ACTR10: variants seen among roughly 807,000 people sequenced by gnomAD.
ACTR10 encodes actin-related protein 10.
In ACTR10, 43 loss-of-function variants were observed where a neutral mutation model predicts 56.2. The observed-to-expected ratio is 0.77, with a 90% CI of 0.60 to 0.99. ACTR10 has a LOEUF of 0.99. Ranked by LOEUF, ACTR10 falls within the 50% of genes least tolerant of loss-of-function variation. The pLI is 0.00. For missense variants in ACTR10, 466 were observed against 507.8 expected (o/e 0.92, Z 0.79); for synonymous variants, 170 against 176.3 (o/e 0.96, Z 0.28).
chr14:58,230,483 A>G lies in ACTR10; in HGVS notation c.870+3A>G, dbSNP rs1276534883. 1.4e-6 allele frequency: 2 copies of G among 1,478,844 alleles called. No homozygotes were observed. Among genetic ancestry groups the G allele is most frequent in the Admixed American group, 4.8e-5 (2 of 41,770 alleles). The allele number at this position is 1,478,844 out of a possible 1,614,324, so 91.6% of individuals were successfully genotyped here. On this transcript the variant is annotated splice_donor_region_variant and intron_variant, in intron 11 of 12. Transcript: ENST00000254286. ...TAATATTGGATTCCCTTATACAGGT[A>G]TTTTATCTTGTCAAAAAATTCCCTT...
intron 7 of ACTR10, among the ~76,000 whole-genome samples, chr14:58,217,636 A>G (rs1423865098): frequency 6.6e-6 from 1 of 151,902 alleles, no homozygotes; most frequent in East Asian, 1.9e-4. Flanking sequence ...ATTGCACTCC[A>G]ACCTGGGTGA....
At chr14:58,214,640 G>A (rs571257202) in intron 6 of ACTR10, among the ~76,000 whole-genome samples, 15 of 151,388 alleles carry the variant, frequency 9.9e-5, no homozygotes, top group African/African-American at 3.4e-4. Context: ...ACAGGCGTGC[G>A]CCGCCACGCC....
intron 5 of ACTR10, among the ~76,000 whole-genome samples, chr14:58,211,915 G>T (rs1315114005): frequency 6.6e-6 from 1 of 151,346 alleles, no homozygotes; most frequent in Non-Finnish European, 1.5e-5. Flanking sequence ...ACTCCAGCCT[G>T]GGCGACAGAG....
chr14:58,223,767 G>T lies in ACTR10; in HGVS notation c.715-16G>T. ...ACAACATGTGTGGACTTATGTTTATGATATTTATATTTCAGCGTCCCTCCC... is the reference window on the plus strand; with the variant it reads ...ACAACATGTGTGGACTTATGTTTATTATATTTATATTTCAGCGTCCCTCCC... On this transcript the variant is annotated splice_polypyrimidine_tract_variant and intron_variant, in intron 9 of 12. Transcript: ENST00000254286. 6.2e-7 allele frequency: 1 copy of T among 1,609,684 alleles called. No individual in the cohort carries two copies. Among genetic ancestry groups the T allele is most frequent in the Non-Finnish European group, 8.5e-7 (1 of 1,177,258 alleles).
In ACTR10 at chr14:58,219,406, CT is replaced by C. The variant is rs146490823; in HGVS notation, c.599-283del. ...CAAGATTAAAAGATTGTGTGTGGTA[CT>C]TTTTAAAAATATGTTAGCACATTAC... On this transcript the variant is annotated intron_variant, in intron 7 of 12. Coordinates refer to ENST00000254286, the MANE Select transcript of ACTR10 (RefSeq NM_018477.3). The C allele has an allele frequency of 1.1e-3, 243 of 229,626 alleles. 1 individual carries two copies. The highest frequency in any genetic ancestry group is 5.0e-3 in the African/African-American group (220 of 44,024). 14.2% of individuals were successfully genotyped at this position (229,626 alleles called of 1,614,324 possible). A position where few individuals can be genotyped will look rare whatever the true frequency, so the allele number is the denominator to read the frequency against.
chr14:58,208,860 T>TG (rs1594804940), intron 3 of ACTR10, 139 bp from the exon 4 acceptor site: 2 of 573,914 alleles, frequency 3.5e-6, no homozygotes, highest in East Asian at 5.9e-5. Context: ...GTTATCTTTC[T>TG]GGGGTAATAA....
At chr14:58,213,507 TA>T in intron 5 of ACTR10, 123 bp from the exon 6 acceptor site, 1 of 507,634 alleles carries the variant, frequency 2.0e-6, no homozygotes, top group Non-Finnish European at 3.3e-6. Context: ...GTAACTATGT[TA>T]AAAATAAGAA....
intron 2 of ACTR10, among the ~76,000 whole-genome samples, chr14:58,205,725 CA>C (rs1888842371): frequency 6.6e-6 from 1 of 151,970 alleles, no homozygotes; most frequent in African/African-American, 2.4e-5. Flanking sequence ...GTTTGATGTT[CA>C]AAAATGTGAT....
chr14:58,219,149 C>G (rs1468499767), intron 7 of ACTR10, among the ~76,000 whole-genome samples: 1 of 152,076 alleles, frequency 6.6e-6, no homozygotes, highest in Non-Finnish European at 1.5e-5. Flanking sequence ...GTTTCGAAGA[C>G]TTTAAGTTAG....
At chr14:58,230,042 T>C (rs891982867) in intron 10 of ACTR10, among the ~76,000 whole-genome samples, 2 of 152,192 alleles carry the variant, frequency 1.3e-5, no homozygotes, top group Non-Finnish European at 2.9e-5. Flanking sequence ...TATTGAATCT[T>C]ACTAACTTTC....
chr14:58,215,847 T>A (rs1889120983), intron 7 of ACTR10, among the ~76,000 whole-genome samples: 1 of 152,202 alleles, frequency 6.6e-6, no homozygotes, highest in South Asian at 2.1e-4. Flanking sequence ...ATACATTATG[T>A]CTTTCCTCAA....
intron 2 of ACTR10, among the ~76,000 whole-genome samples, chr14:58,205,853 C>G (rs1888845943): frequency 6.6e-6 from 1 of 151,906 alleles, no homozygotes; most frequent in African/African-American, 2.4e-5. Context: ...GAAACCCCAT[C>G]TCTACTAAAA....
At position 58,213,773 on chromosome 14, in the gene ACTR10, T is replaced by C. The variant is rs531304921; in HGVS notation, c.518+75T>C. On this transcript the variant is annotated intron_variant, in intron 6 of 12. Coordinates refer to ENST00000254286, the MANE Select transcript of ACTR10 (RefSeq NM_018477.3). Reference sequence around the variant, plus strand: ...AGTTGCTAATCTGTTTGTTGATCAGTGATCAATAGAGGGCTTGTGATACGG... The same window carrying C: ...AGTTGCTAATCTGTTTGTTGATCAGCGATCAATAGAGGGCTTGTGATACGG... The C allele has an allele frequency of 4.0e-4, 461 of 1,165,968 alleles. 4 individuals carry two copies. The African/African-American group carries it at 6.0e-3, about 15-fold the overall frequency. The allele number at this position is 1,165,968 out of a possible 1,614,324, so 72.2% of individuals were successfully genotyped here.
chr14:58,200,785 G>A (rs923804430), intron 1 of ACTR10, among the ~76,000 whole-genome samples: 3 of 152,212 alleles, frequency 2.0e-5, no homozygotes, highest in Non-Finnish European at 4.4e-5. Flanking sequence ...ATTAAGAGGT[G>A]AAACCCTATA....
chr14:58,221,710 C>T (rs1224167027), intron 8 of ACTR10, among the ~76,000 whole-genome samples: 2 of 152,084 alleles, frequency 1.3e-5, no homozygotes, highest in Non-Finnish European at 2.9e-5. Flanking sequence ...CATTGGACTC[C>T]AGCGTGGATG....
In ACTR10 at chr14:58,200,495, G is replaced by C. The variant is rs548520557; in HGVS notation, c.77+201G>C. 3.3e-5 allele frequency among the ~76,000 whole-genome samples: 5 copies of C among 152,294 alleles called. No homozygotes were observed. In the East Asian group the frequency reaches 9.7e-4, roughly 30 times the overall value. Reference sequence around the variant, plus strand: ...TCCGAGGATCGGGGTCTGACTCCCAGAGAGGCCCAGAAAGCTTCTGTTGAA... The same window carrying C: ...TCCGAGGATCGGGGTCTGACTCCCACAGAGGCCCAGAAAGCTTCTGTTGAA... On this transcript the variant is annotated intron_variant, in intron 1 of 12. Transcript: ENST00000254286.
chr14:58,209,425 G>T (rs1484966964), intron 4 of ACTR10, among the ~76,000 whole-genome samples: 1 of 151,914 alleles, frequency 6.6e-6, no homozygotes, highest in African/African-American at 2.4e-5. Flanking sequence ...TTTAATATAG[G>T]TTTTTCTATT....
chr14:58,229,471 G>A (rs1007654195), intron 10 of ACTR10, among the ~76,000 whole-genome samples: 17 of 152,084 alleles, frequency 1.1e-4, no homozygotes, highest in Non-Finnish European at 2.1e-4. Flanking sequence ...GAGGTCAGGA[G>A]ATCGAGACCA....
intron 1 of ACTR10, among the ~76,000 whole-genome samples, chr14:58,201,497 C>G (rs1888702656): frequency 6.6e-6 from 1 of 152,048 alleles, no homozygotes; most frequent in Non-Finnish European, 1.5e-5. Context: ...AGCACTGATG[C>G]AAGTAAACAT....
Sources: gnomAD v4.1 joint callset for allele counts (sites outside exome capture counted in the v4.1 genomes callset) on GRCh38, gnomAD v4.1.1 for gene constraint, MANE v1.5 for transcripts, NCBI Gene and HGNC (gene_info 2026-07-23, HGNC 2026-07-21) for gene names.